NFIB: variants seen among roughly 807,000 people sequenced by gnomAD.
NFIB encodes nuclear factor 1 B-type.
Under a neutral mutation model 61.5 loss-of-function variants are expected in NFIB, and 11 were observed. That is an observed-to-expected ratio of 0.18 (90% CI 0.11 to 0.30). The LOEUF is 0.30. Among genes scored for constraint, NFIB ranks in the 10% least tolerant of loss-of-function variants. The pLI, the probability that NFIB is intolerant of heterozygous loss-of-function variation, is 1.00. For synonymous variants in NFIB, 260 were observed against 216.5 expected (o/e 1.20, Z -1.76); for missense variants, 471 against 608.9 (o/e 0.77, Z 2.38).
intron 1 of NFIB, among the ~76,000 whole-genome samples, chr9:14,372,801 G>A (rs1486038448): frequency 1.3e-5 from 2 of 152,208 alleles, no homozygotes; most frequent in African/African-American, 4.8e-5. Context: ...CAAGCAAAAT[G>A]TAATTCTTGA....
At chr9:14,407,893 C>A in the NFIB span, among the ~76,000 whole-genome samples, 4 of 152,060 alleles carry the variant, frequency 2.6e-5, no homozygotes, top group Non-Finnish European at 5.9e-5. Context: ...CACTGTGTTG[C>A]CTCGGTAGGT....
intron 2 of NFIB, among the ~76,000 whole-genome samples, chr9:14,290,626 T>C (rs943164065): frequency 7.2e-5 from 11 of 152,120 alleles, no homozygotes; most frequent in Non-Finnish European, 1.6e-4. Context: ...GACCCTGTAA[T>C]TCACATGGTT....
At chr9:14,230,478 G>A (rs1255691410) in intron 2 of NFIB, among the ~76,000 whole-genome samples, 1 of 152,162 alleles carries the variant, frequency 6.6e-6, no homozygotes, top group Admixed American at 6.5e-5. Flanking sequence ...TTTGTTGAAG[G>A]CTTCTCCTAG....
At chr9:14,107,747 C>T (rs1482428828) in intron 10 of NFIB, among the ~76,000 whole-genome samples, 2 of 152,118 alleles carry the variant, frequency 1.3e-5, no homozygotes, top group Admixed American at 6.6e-5. Flanking sequence ...CTTTCCTACC[C>T]TGTCCCTTAT....
At chr9:14,441,085 G>A in the NFIB span, among the ~76,000 whole-genome samples, 1 of 148,112 alleles carries the variant, frequency 6.8e-6, no homozygotes, top group Non-Finnish European at 1.5e-5. Context: ...AAAAAAACCT[G>A]GACCCTTGAC....
At chr9:14,447,432 A>C in the NFIB span, among the ~76,000 whole-genome samples, 1 of 152,146 alleles carries the variant, frequency 6.6e-6, no homozygotes, top group Non-Finnish European at 1.5e-5. Context: ...TCTATCATTC[A>C]CCCGGTGGTA....
At chr9:14,165,658 A>T (rs2044704660) in intron 3 of NFIB, among the ~76,000 whole-genome samples, 1 of 152,198 alleles carries the variant, frequency 6.6e-6, no homozygotes, top group Non-Finnish European at 1.5e-5. Context: ...ATTATTCTAA[A>T]AGGGGAACAC....
chr9:14,498,352 G>C, the NFIB span, among the ~76,000 whole-genome samples: 1,098 of 152,306 alleles, frequency 7.2e-3, 10 homozygotes, highest in Middle Eastern at 0.017. Context: ...GCCAATACAA[G>C]CCTGATCAGA....
the NFIB span, among the ~76,000 whole-genome samples, chr9:14,452,822 G>A: frequency 8.7e-4 from 132 of 152,278 alleles, 1 homozygote; most frequent in Admixed American, 7.8e-3. Context: ...ATTACATAGG[G>A]ACTAAAACAA....
intron 1 of NFIB, among the ~76,000 whole-genome samples, chr9:14,336,374 A>G (rs2060885882): frequency 6.6e-6 from 1 of 152,192 alleles, no homozygotes; most frequent in Non-Finnish European, 1.5e-5. Context: ...ATCAGCTATT[A>G]TGGTAACTGA....
At chr9:14,473,964 C>T in the NFIB span, among the ~76,000 whole-genome samples, 5 of 152,296 alleles carry the variant, frequency 3.3e-5, no homozygotes, top group South Asian at 4.1e-4. Flanking sequence ...AGTCACTGTG[C>T]AGAGTCTTCA....
At chr9:14,103,837 G>C (rs978954025) in intron 10 of NFIB, among the ~76,000 whole-genome samples, 6 of 151,982 alleles carry the variant, frequency 3.9e-5, no homozygotes, top group African/African-American at 1.4e-4. Context: ...TAGATCAACA[G>C]ATTGATAGAC....
chr9:14,224,159 AG>A (rs1221724098), intron 2 of NFIB, among the ~76,000 whole-genome samples: 1 of 152,246 alleles, frequency 6.6e-6, no homozygotes, highest in Non-Finnish European at 1.5e-5. Flanking sequence ...TGGCTGACCC[AG>A]AAGGCCATAT....
intron 2 of NFIB, among the ~76,000 whole-genome samples, chr9:14,219,692 T>C (rs7048086): frequency 0.95 from 145,331 of 152,274 alleles, 69,838 homozygotes; most frequent in Middle Eastern, 0.99. Flanking sequence ...AATGTAACTG[T>C]CTACAAACAC....
At chr9:14,525,587 C>T in the NFIB span, among the ~76,000 whole-genome samples, 10 of 152,184 alleles carry the variant, frequency 6.6e-5, no homozygotes, top group East Asian at 1.9e-3. Flanking sequence ...GTTTCTTTTA[C>T]CCTTAAAATC....
At chr9:14,499,248 G>A in the NFIB span, among the ~76,000 whole-genome samples, 1 of 152,158 alleles carries the variant, frequency 6.6e-6, no homozygotes, top group Non-Finnish European at 1.5e-5. Flanking sequence ...TGTGCAAGGA[G>A]AAATTCTGAT....
At chr9:14,331,361 C>T (rs2060818931) in intron 1 of NFIB, among the ~76,000 whole-genome samples, 1 of 152,190 alleles carries the variant, frequency 6.6e-6, no homozygotes, top group Non-Finnish European at 1.5e-5. Context: ...GGCCCAGTCA[C>T]AGGACTTGCC....
chr9:14,435,655 A>G, the NFIB span, among the ~76,000 whole-genome samples: 1 of 152,240 alleles, frequency 6.6e-6, no homozygotes, highest in Non-Finnish European at 1.5e-5. Context: ...ACAACATTCC[A>G]TATATTTAAA....
the NFIB span, among the ~76,000 whole-genome samples, chr9:14,496,415 T>C: frequency 2.6e-5 from 4 of 152,332 alleles, no homozygotes; most frequent in East Asian, 5.8e-4. Context: ...TGGCACCATG[T>C]TGGTGCTTGA....
Sources: gnomAD v4.1 joint callset for allele counts (sites outside exome capture counted in the v4.1 genomes callset) on GRCh38, gnomAD v4.1.1 for gene constraint, MANE v1.5 for transcripts, NCBI Gene and HGNC (gene_info 2026-07-23, HGNC 2026-07-21) for gene names.